Variants in RANBP10 observed in about 807,000 individuals in gnomAD.
RANBP10 encodes RAN binding protein 10, also known as ran-binding protein 10.
A neutral mutation model predicts 72.8 loss-of-function variants in RANBP10; 24 were observed. The ratio of observed to expected loss-of-function variants is 0.33; its 90% CI spans 0.24 to 0.46. The LOEUF (loss-of-function observed/expected upper bound fraction) is 0.46, where lower values mean the gene tolerates loss of function less well. Ranked by LOEUF, RANBP10 falls within the 20% of genes least tolerant of loss-of-function variation. RANBP10 has a pLI of 1.00. For synonymous variants in RANBP10, 310 were observed against 322.3 expected (o/e 0.96, Z 0.41); for missense variants, 679 against 817.5 (o/e 0.83, Z 2.07).
At chr16:67,777,263 G>A (rs546998603) in intron 2 of RANBP10, among the ~76,000 whole-genome samples, 11 of 149,590 alleles carry the variant, frequency 7.4e-5, no homozygotes, top group East Asian at 6.0e-4. Flanking sequence ...TAGGCTGGGC[G>A]CGGTGGCTCA....
chr16:67,796,905 T>A (rs1050157442), intron 2 of RANBP10, among the ~76,000 whole-genome samples: 3 of 152,216 alleles, frequency 2.0e-5, no homozygotes, highest in African/African-American at 7.2e-5. Flanking sequence ...TTATATGGAT[T>A]TTGAACAGAA....
intron 6 of RANBP10, among the ~76,000 whole-genome samples, chr16:67,734,392 G>C (rs1344022017): frequency 6.6e-6 from 1 of 152,200 alleles, no homozygotes; most frequent in Non-Finnish European, 1.5e-5. Flanking sequence ...AGCTCAGCTG[G>C]TCCTAGGGAG....
intron 3 of RANBP10, among the ~76,000 whole-genome samples, chr16:67,761,291 T>C (rs561826795): frequency 8.5e-5 from 13 of 152,292 alleles, no homozygotes; most frequent in Admixed American, 7.2e-4. Context: ...CTTTCTGTTA[T>C]CATCTGCCCC....
chr16:67,775,529 C>T (rs146266843), intron 2 of RANBP10, among the ~76,000 whole-genome samples: 14 of 151,778 alleles, frequency 9.2e-5, no homozygotes, highest in African/African-American at 3.4e-4. Flanking sequence ...CGTAGAAAAC[C>T]TTGCCAGGTG....
intron 4 of RANBP10, among the ~76,000 whole-genome samples, chr16:67,740,222 C>T (rs2053942172): frequency 6.6e-6 from 1 of 151,954 alleles, no homozygotes; most frequent in African/African-American, 2.4e-5. Flanking sequence ...CCCGCCTCAG[C>T]CTCCCAAGTA....
chr16:67,760,017 G>A (rs913107920), intron 3 of RANBP10, among the ~76,000 whole-genome samples: 6 of 151,516 alleles, frequency 4.0e-5, no homozygotes, highest in African/African-American at 1.2e-4. Context: ...GGGGAATGGC[G>A]TGAACCCAGG....
chr16:67,777,824 T>C (rs2054734837), intron 2 of RANBP10, among the ~76,000 whole-genome samples: 1 of 152,160 alleles, frequency 6.6e-6, no homozygotes. Flanking sequence ...AGAACAAAGT[T>C]GGAGGGCTTA....
chr16:67,751,593 C>G (rs1172730721), intron 3 of RANBP10, among the ~76,000 whole-genome samples: 1 of 151,980 alleles, frequency 6.6e-6, no homozygotes, highest in African/African-American at 2.4e-5. Flanking sequence ...CCAATGCACT[C>G]AAGCCTGGGC....
chr16:67,767,811 T>C (rs1314382156), intron 3 of RANBP10, among the ~76,000 whole-genome samples: 12 of 151,820 alleles, frequency 7.9e-5, no homozygotes, highest in Non-Finnish European at 1.8e-4. Flanking sequence ...TTAGCCAGGA[T>C]GGTCTTGATC....
chr16:67,778,378 T>A (rs1258145350), intron 2 of RANBP10, among the ~76,000 whole-genome samples: 1 of 152,080 alleles, frequency 6.6e-6, no homozygotes, highest in Non-Finnish European at 1.5e-5. Flanking sequence ...GTTTTTTGCT[T>A]ATATTACACC....
At chr16:67,727,594 T>G (rs537705553) in intron 12 of RANBP10, among the ~76,000 whole-genome samples, 156 bp from the exon 13 acceptor site, 4 of 152,162 alleles carry the variant, frequency 2.6e-5, no homozygotes, top group African/African-American at 9.6e-5. Flanking sequence ...AGCCTAGGTG[T>G]GGAGGGCACA....
Position 67,726,259 on chromosome 16 carries a change from TG to T in RANBP10, c.*168del. The T allele has an allele frequency of 1.0e-6, 1 of 968,844 alleles. No homozygotes were observed. Among genetic ancestry groups the T allele is most frequent in the Non-Finnish European group, 1.5e-6 (1 of 662,230 alleles). 60.0% of individuals were successfully genotyped at this position (968,844 alleles called of 1,614,324 possible). On this transcript the variant is annotated 3_prime_UTR_variant, in exon 14 of 14. Transcript: ENST00000317506. ...GAGAGAGAGAGACTGAGCGGGGTGG[TG>T]GGCAGAGAAAGGAAGGAAGGAAGGA...
At chr16:67,744,262 G>A in intron 4 of RANBP10, 26 bp downstream of exon 4, 1 of 1,602,800 alleles carries the variant, frequency 6.2e-7, no homozygotes, top group South Asian at 1.1e-5. Flanking sequence ...ACAGAGCAGA[G>A]CCTCCAAGGT....
chr16:67,729,336 G>C lies in RANBP10; in HGVS notation c.1296C>G (p.Asn432Lys). The C allele has an allele frequency of 6.2e-7, 1 of 1,612,308 alleles. No homozygotes were observed. Among genetic ancestry groups the C allele is most frequent in the Non-Finnish European group, 8.5e-7 (1 of 1,179,062 alleles). Reference sequence around the variant, plus strand: ...GCTGGGACTTGGTGGAGTCTGTTGAGTTGGACTCGGAGTAATTGACGGAGG... The same window carrying C: ...GCTGGGACTTGGTGGAGTCTGTTGACTTGGACTCGGAGTAATTGACGGAGG... ...SPSSVNYSES[N>K]STDSTKSQHH... Residue 432 changes from asparagine to lysine, a missense_variant, in exon 10 of 14, where the codon AAC (asparagine) becomes AAG (lysine). Asn to Lys is a moderately conservative substitution (Grantham distance 94). Coordinates refer to ENST00000317506, the MANE Select transcript of RANBP10 (RefSeq NM_020850.3). The surrounding 1 kb of genome is among the most constrained non-coding windows in gnomAD (Gnocchi z 7.1).
At chr16:67,736,082 T>C (rs1353848650) in intron 5 of RANBP10, among the ~76,000 whole-genome samples, 1 of 152,014 alleles carries the variant, frequency 6.6e-6, no homozygotes, top group East Asian at 1.9e-4. Context: ...TCCTCCCCAC[T>C]GTCACTGCAG....
chr16:67,785,822 C>A (rs1487377894), intron 2 of RANBP10, among the ~76,000 whole-genome samples: 2 of 150,024 alleles, frequency 1.3e-5, no homozygotes, highest in South Asian at 4.2e-4. Flanking sequence ...GTCAGGAGAT[C>A]GAGACCATCC....
chr16:67,729,427 T>C lies in RANBP10; in HGVS notation c.1205A>G (p.His402Arg). 6.2e-7 allele frequency: 1 copy of C among 1,613,622 alleles called. No individual in the cohort carries two copies. Residue 402 changes from histidine (H) to arginine (R), a missense_variant, in exon 10 of 14, where the codon CAC (histidine) becomes CGC (arginine). Transcript: ENST00000317506. The surrounding 1 kb of genome is among the most constrained non-coding windows in gnomAD (Gnocchi z 7.1). ...GGAGCTGGGTGCAGGGTATTTACTG[T>C]GGTTCTGTTTGCTCTTGGTGGACGC... ...GVASTKSKQN[H>R]SKYPAPSSSS... is the part of the protein sequence containing the mutation.
chr16:67,741,414 A>T (rs1175001837), intron 4 of RANBP10, among the ~76,000 whole-genome samples: 1 of 152,258 alleles, frequency 6.6e-6, no homozygotes, highest in Non-Finnish European at 1.5e-5. Context: ...TTTGATGGCA[A>T]GATCTGAGTT....
intron 3 of RANBP10, among the ~76,000 whole-genome samples, chr16:67,757,815 A>G (rs1280947846): frequency 6.6e-6 from 1 of 152,188 alleles, no homozygotes; most frequent in Non-Finnish European, 1.5e-5. Flanking sequence ...ATGCAACCAT[A>G]AGGTGATGCC....
Sources: gnomAD v4.1 joint callset for allele counts (sites outside exome capture counted in the v4.1 genomes callset) on GRCh38, gnomAD v4.1.1 for gene constraint, Gnocchi (gnomAD v3.1) non-coding constraint, MANE v1.5 for transcripts, NCBI Gene and HGNC (gene_info 2026-07-23, HGNC 2026-07-21) for gene names.